Variants in ZC4H2 observed in about 807,000 individuals in gnomAD.
ZC4H2 encodes the protein zinc finger C4H2 domain-containing protein.
For missense variants in ZC4H2, 137 were observed against 173.9 expected, an observed-to-expected ratio of 0.79 and a Z score of 1.19; for synonymous variants, 84 against 66.3, an observed-to-expected ratio of 1.27 and a Z score of -1.30.
At chrX:64,928,639 CTTCTT>C (rs1929550040) in intron 1 of ZC4H2, among the ~76,000 whole-genome samples, 1 of 65,599 alleles carries the variant, frequency 1.5e-5, no homozygotes, top group Non-Finnish European at 3.5e-5. Context: ...TCTCCTTCTT[CTTCTT>C]CTTCTTCTTC....
chrX:64,927,971 G>A (rs1398229914), intron 1 of ZC4H2, among the ~76,000 whole-genome samples: 1 of 111,672 alleles, frequency 9.0e-6, no homozygotes, highest in Non-Finnish European at 1.9e-5. Flanking sequence ...TTTTTGATGG[G>A]GTTCTTTCTT....
chrX:65,030,263 A>T (rs1410273620), intron 1 of ZC4H2, among the ~76,000 whole-genome samples: 1 of 110,819 alleles, frequency 9.0e-6, no homozygotes, highest in Non-Finnish European at 1.9e-5. Flanking sequence ...GACTACAGCC[A>T]CATGCCACCA....
At chrX:65,016,696 G>A (rs1932799814) in intron 1 of ZC4H2, among the ~76,000 whole-genome samples, 1 of 111,668 alleles carries the variant, frequency 9.0e-6, no homozygotes, top group Non-Finnish European at 1.9e-5. Context: ...AAAAAACTGG[G>A]AACAGAGCAT....
chrX:64,925,549 G>T (rs1929389160), intron 1 of ZC4H2, among the ~76,000 whole-genome samples: 1 of 111,920 alleles, frequency 8.9e-6, no homozygotes, highest in African/African-American at 3.3e-5. Flanking sequence ...GAAATCAGGG[G>T]TAAGAGGGTA....
At chrX:64,954,331 TA>T (rs1360695393) in intron 1 of ZC4H2, among the ~76,000 whole-genome samples, 1 of 75,055 alleles carries the variant, frequency 1.3e-5, no homozygotes, top group African/African-American at 7.1e-5. Flanking sequence ...TATATATATA[TA>T]TATATAATTA....
upstream of ZC4H2, among the ~76,000 whole-genome samples, chrX:64,981,044 G>C (rs185086667): frequency 9.1e-6 from 1 of 109,813 alleles, no homozygotes; most frequent in African/African-American, 3.3e-5. Context: ...CAATGATCTG[G>C]AGGAAGAGTG....
At chrX:64,975,997 G>A (rs900418046) in intron 1 of ZC4H2, among the ~76,000 whole-genome samples, 4 of 111,514 alleles carry the variant, frequency 3.6e-5, no homozygotes, top group African/African-American at 1.3e-4. Flanking sequence ...TAAAGAGCAA[G>A]GAGCCAAAGA....
intron 1 of ZC4H2, among the ~76,000 whole-genome samples, chrX:64,953,366 C>A (rs1025373965): frequency 8.9e-6 from 1 of 111,927 alleles, no homozygotes; most frequent in African/African-American, 3.2e-5. Context: ...AAGGAAACTA[C>A]CATCAGATTG....
At chrX:65,006,270 T>G (rs1932656707) in intron 1 of ZC4H2, among the ~76,000 whole-genome samples, 2 of 111,825 alleles carry the variant, frequency 1.8e-5, no homozygotes, top group African/African-American at 6.5e-5. Context: ...GTATATTTAT[T>G]GCAGCACTAT....
At chrX:65,001,968 C>T (rs1247043776) in intron 1 of ZC4H2, among the ~76,000 whole-genome samples, 2 of 111,432 alleles carry the variant, frequency 1.8e-5, no homozygotes, top group African/African-American at 3.3e-5. Flanking sequence ...TAAAAAGAGA[C>T]TTAGACTCCC....
Position 64,986,545 on chromosome X carries a change from G to A in ZC4H2, c.-272+48084C>T, listed in dbSNP as rs112537457. Among the ~76,000 whole-genome samples the A allele has an allele frequency of 6.7e-3, 756 of 112,019 alleles. 9 individuals carry two copies. Among genetic ancestry groups the A allele is most frequent in the African/African-American group, 0.023 (718 of 30,820 alleles). On this transcript the variant is annotated intron_variant, in intron 1 of 4. Coordinates refer to the ZC4H2 transcript ENST00000337990. Reference sequence around the variant, plus strand: ...AGCCAGTGGAGTATGACGTAAATTAGTAGGGGCATCCCAAGAGGTAGGAGA... The same window carrying A: ...AGCCAGTGGAGTATGACGTAAATTAATAGGGGCATCCCAAGAGGTAGGAGA...
chrX:64,943,762 T>G (rs1930401098), intron 1 of ZC4H2, among the ~76,000 whole-genome samples: 2 of 111,273 alleles, frequency 1.8e-5, no homozygotes, highest in Non-Finnish European at 3.8e-5. Flanking sequence ...AGAACAGTGA[T>G]GGGTCTTGAG....
At chrX:64,930,135 T>G (rs984368958) in intron 1 of ZC4H2, among the ~76,000 whole-genome samples, 1 of 111,661 alleles carries the variant, frequency 9.0e-6, no homozygotes, top group South Asian at 3.7e-4. Flanking sequence ...GCGGCTGTTG[T>G]AAAATGGGTT....
chrX:64,942,659 A>T (rs1395913964), intron 1 of ZC4H2, among the ~76,000 whole-genome samples: 3 of 109,925 alleles, frequency 2.7e-5, no homozygotes, highest in East Asian at 2.9e-4. Context: ...AGGGACATGA[A>T]CTCCTTCTTT....
chrX:64,979,828 A>G (rs1391415677), upstream of ZC4H2, among the ~76,000 whole-genome samples: 2 of 111,807 alleles, frequency 1.8e-5, no homozygotes, highest in Non-Finnish European at 3.8e-5. Context: ...AAAAAATCTT[A>G]GTTTTATCAG....
In ZC4H2 at chrX:64,953,276, C is replaced by A. The variant is rs1255192827; in HGVS notation, c.53+23049G>T. On this transcript the variant is annotated intron_variant, in intron 1 of 4. Transcript: ENST00000374839. Reference sequence around the variant, plus strand: ...ACAGGCATGGGCAAGGACTTCATGTCTAAAACACCAAAAGCAATGGCAACA... The same window carrying A: ...ACAGGCATGGGCAAGGACTTCATGTATAAAACACCAAAAGCAATGGCAACA... Among the ~76,000 whole-genome samples the A allele has an allele frequency of 2.7e-5, 3 of 112,071 alleles. No homozygotes were observed. The East Asian group carries it at 8.4e-4, about 31-fold the overall frequency.
intron 1 of ZC4H2, among the ~76,000 whole-genome samples, chrX:64,945,498 C>T (rs1418896715): frequency 9.0e-6 from 1 of 111,506 alleles, no homozygotes; most frequent in African/African-American, 3.3e-5. Context: ...CTGACCTCTC[C>T]TGTATGCGGT....
chrX:65,034,327 G>T (rs1375123392), intron 1 of ZC4H2, among the ~76,000 whole-genome samples: 1 of 111,703 alleles, frequency 9.0e-6, no homozygotes, highest in African/African-American at 3.3e-5. Context: ...CCCTATTAAG[G>T]GAGGTGACCC....
Position 64,976,306 on chromosome X carries a change from G to T in ZC4H2, c.53+19C>A, listed in dbSNP as rs1931946072. The T allele has an allele frequency of 1.7e-6, 2 of 1,209,097 alleles. No individual in the cohort carries two copies. The highest frequency in any genetic ancestry group is 3.5e-5 in the African/African-American group (2 of 57,677). ...GAAGGGTTGGAGAGGGGCGGGGAGGGGGACAACGTGCCACTTACCTGATCT... is the reference window on the plus strand; with the variant it reads ...GAAGGGTTGGAGAGGGGCGGGGAGGTGGACAACGTGCCACTTACCTGATCT... On this transcript the variant is annotated intron_variant, in intron 1 of 4. Coordinates refer to ENST00000374839, the MANE Select transcript of ZC4H2 (RefSeq NM_018684.4).
Sources: allele counts gnomAD v4.1 joint callset (sites outside exome capture counted in the v4.1 genomes callset), GRCh38; gene constraint gnomAD v4.1.1; transcripts MANE v1.5; gene names NCBI Gene and HGNC (gene_info 2026-07-23, HGNC 2026-07-21).